FAM171A1: variants seen among roughly 807,000 people sequenced by gnomAD.
The protein encoded by FAM171A1 is family with sequence similarity 171 member A1, also known as protein FAM171A1.
A neutral mutation model predicts 74.9 loss-of-function variants in FAM171A1; 23 were observed. The ratio of observed to expected loss-of-function variants is 0.31; its 90% CI spans 0.22 to 0.44. The LOEUF (loss-of-function observed/expected upper bound fraction) is 0.44. Among genes scored for constraint, FAM171A1 ranks in the 20% least tolerant of loss-of-function variants. The probability of loss-of-function intolerance (pLI) is 1.00; values close to 1 mark genes in which losing one functional copy is unlikely to be tolerated. For synonymous variants in FAM171A1, 527 were observed against 505.7 expected (o/e 1.04, Z -0.57); for missense variants, 1,162 against 1,159.2 (o/e 1.00, Z -0.03).
chr10:15,226,744 A>G (rs1404804132), intron 5 of FAM171A1, among the ~76,000 whole-genome samples: 4 of 152,200 alleles, frequency 2.6e-5, no homozygotes, highest in Non-Finnish European at 5.9e-5. Flanking sequence ...AAGAATACAG[A>G]GGTGGGGATT....
chr10:15,230,525 T>A (rs549806672), intron 5 of FAM171A1, among the ~76,000 whole-genome samples: 1 of 152,236 alleles, frequency 6.6e-6, no homozygotes, highest in African/African-American at 2.4e-5. Context: ...GTTTGAAGCA[T>A]GAAATCATGA....
At chr10:15,360,733 G>A (rs535329844) in intron 1 of FAM171A1, among the ~76,000 whole-genome samples, 3 of 152,120 alleles carry the variant, frequency 2.0e-5, no homozygotes, top group Non-Finnish European at 2.9e-5. Flanking sequence ...TGGCATCTAG[G>A]GTCAACCACA....
chr10:15,342,135 A>C (rs1835771413), intron 1 of FAM171A1, among the ~76,000 whole-genome samples: 1 of 152,234 alleles, frequency 6.6e-6, no homozygotes, highest in African/African-American at 2.4e-5. Flanking sequence ...AACCCTAAGC[A>C]ATCTACGGGC....
intron 1 of FAM171A1, among the ~76,000 whole-genome samples, chr10:15,365,926 G>C (rs1283126689): frequency 6.6e-6 from 1 of 152,160 alleles, no homozygotes; most frequent in East Asian, 1.9e-4. Flanking sequence ...TGACTCAGCT[G>C]TTTAGGGGAA....
intron 1 of FAM171A1, among the ~76,000 whole-genome samples, chr10:15,320,975 T>G (rs994598541): frequency 8.5e-5 from 13 of 152,322 alleles, no homozygotes; most frequent in Admixed American, 2.6e-4. Context: ...TTAATGGGGA[T>G]GTAACACGGG....
intron 1 of FAM171A1, among the ~76,000 whole-genome samples, chr10:15,296,787 A>G (rs2131822947): frequency 6.6e-6 from 1 of 152,348 alleles, no homozygotes; most frequent in South Asian, 2.1e-4. Flanking sequence ...GGAAGTTTAC[A>G]GTCTCTAGAC....
chr10:15,371,622 G>T (rs926099369), upstream of FAM171A1, among the ~76,000 whole-genome samples: 1 of 152,186 alleles, frequency 6.6e-6, no homozygotes, highest in Non-Finnish European at 1.5e-5. Flanking sequence ...CAGTGTTAAA[G>T]ATCCGCAAAA....
chr10:15,360,576 G>T (rs551539866), intron 1 of FAM171A1, among the ~76,000 whole-genome samples: 6 of 152,158 alleles, frequency 3.9e-5, no homozygotes, highest in African/African-American at 1.2e-4. Flanking sequence ...GGACAATGAG[G>T]TTTCTGTCAC....
intron 5 of FAM171A1, among the ~76,000 whole-genome samples, chr10:15,226,876 C>A (rs1301798826): frequency 6.6e-6 from 1 of 152,102 alleles, no homozygotes; most frequent in African/African-American, 2.4e-5. Context: ...ACCACAACCA[C>A]CCCCCAGCTT....
At chr10:15,359,094 T>C (rs1226430133) in intron 1 of FAM171A1, among the ~76,000 whole-genome samples, 4 of 152,238 alleles carry the variant, frequency 2.6e-5, no homozygotes, top group Non-Finnish European at 2.9e-5. Flanking sequence ...CTGTCTGGCA[T>C]GTAAGAAGCA....
chr10:15,351,377 C>T (rs528413831), intron 1 of FAM171A1, among the ~76,000 whole-genome samples: 23 of 152,262 alleles, frequency 1.5e-4, no homozygotes, highest in Middle Eastern at 3.4e-3. Context: ...AACACCTCCA[C>T]GCTGCAGCAG....
chr10:15,247,628 T>C (rs982801224), intron 5 of FAM171A1, among the ~76,000 whole-genome samples: 4 of 152,080 alleles, frequency 2.6e-5, no homozygotes, highest in African/African-American at 9.7e-5. Flanking sequence ...ATGCTGCTTT[T>C]GGGATTAGGT....
chr10:15,333,913 T>A (rs1195594025), intron 1 of FAM171A1, among the ~76,000 whole-genome samples: 1 of 151,900 alleles, frequency 6.6e-6, no homozygotes. Context: ...GTCTTTTCCC[T>A]GCTCCTTTTG....
At chr10:15,318,229 G>C (rs1400754668) in intron 1 of FAM171A1, among the ~76,000 whole-genome samples, 1 of 152,184 alleles carries the variant, frequency 6.6e-6, no homozygotes. Context: ...AATAGCAGGA[G>C]CCGGAAATTT....
intron 1 of FAM171A1, among the ~76,000 whole-genome samples, chr10:15,291,464 G>A (rs773779719): frequency 2.6e-5 from 4 of 152,162 alleles, no homozygotes; most frequent in South Asian, 2.1e-4. Flanking sequence ...ACTGGCTAGC[G>A]GTTCCTGCGT....
intron 5 of FAM171A1, among the ~76,000 whole-genome samples, chr10:15,242,512 C>T (rs532232674): frequency 1.3e-5 from 2 of 152,318 alleles, no homozygotes; most frequent in Non-Finnish European, 2.9e-5. Context: ...TTCGGCCGGG[C>T]GCGTTGGCTC....
intron 1 of FAM171A1, among the ~76,000 whole-genome samples, chr10:15,323,360 G>A (rs927236104): frequency 6.6e-6 from 1 of 152,192 alleles, no homozygotes; most frequent in Middle Eastern, 3.4e-3. Context: ...AGCTGAGACA[G>A]GAGAATTGCT....
chr10:15,246,069 A>C (rs1834429441), intron 5 of FAM171A1, among the ~76,000 whole-genome samples: 3 of 152,076 alleles, frequency 2.0e-5, no homozygotes, highest in Admixed American at 1.3e-4. Flanking sequence ...CCCCACCATG[A>C]CCTTGATGCC....
At chr10:15,219,181 C>T (rs1363447156) in intron 6 of FAM171A1, among the ~76,000 whole-genome samples, 1 of 152,076 alleles carries the variant, frequency 6.6e-6, no homozygotes, top group Non-Finnish European at 1.5e-5. Context: ...ACTCTGGAGT[C>T]TGAGGCAGGA....
Sources: allele counts gnomAD v4.1 joint callset (sites outside exome capture counted in the v4.1 genomes callset), GRCh38; gene constraint gnomAD v4.1.1; transcripts MANE v1.5; gene names NCBI Gene and HGNC (gene_info 2026-07-23, HGNC 2026-07-21).